CIITA: variants seen among roughly 807,000 people sequenced by gnomAD.
The protein encoded by CIITA is MHC class II transactivator.
Under a neutral mutation model 115.1 loss-of-function variants are expected in CIITA, and 72 were observed. That is an observed-to-expected ratio of 0.63 (90% CI 0.52 to 0.76). CIITA has a LOEUF of 0.76. Among genes scored for constraint, CIITA ranks in the 30% least tolerant of loss-of-function variants. CIITA has a pLI of 0.00. For synonymous variants in CIITA, 763 were observed against 635.6 expected (o/e 1.20, Z -3.02); for missense variants, 1,617 against 1,463.8 (o/e 1.10, Z -1.71).
intron 10 of CIITA, among the ~76,000 whole-genome samples, 180 bp downstream of exon 10, chr16:10,904,992 C>T (rs2039040831): frequency 6.6e-6 from 1 of 152,196 alleles, no homozygotes; most frequent in Non-Finnish European, 1.5e-5. Context: ...ACCATTCACT[C>T]CACCACTCCC....
chr16:10,874,559 C>A (rs1381119714), upstream of CIITA, among the ~76,000 whole-genome samples: 1 of 152,220 alleles, frequency 6.6e-6, no homozygotes, highest in East Asian at 1.9e-4. Context: ...AAAGTGCATC[C>A]TCTGCCATCA....
Position 10,895,281 on chromosome 16 carries a change from G to C in CIITA, c.53-1G>C, listed in dbSNP as rs1277673872. Reference sequence around the variant, plus strand: ...TGACTGAGCATTGTCTTCCCTCCCAGGCAGCTCACAGTGTGCCACCATGGA... The same window carrying C: ...TGACTGAGCATTGTCTTCCCTCCCACGCAGCTCACAGTGTGCCACCATGGA... On this transcript the variant is annotated splice_acceptor_variant, in intron 1 of 19. Coordinates refer to ENST00000324288, the MANE Select transcript of CIITA (RefSeq NM_000246.4). LOFTEE classifies it high-confidence loss of function. 6.2e-7 allele frequency: 1 copy of C among 1,613,838 alleles called. No individual in the cohort carries two copies. The highest frequency in any genetic ancestry group is 1.7e-5 in the Admixed American group (1 of 60,012).
intron 13 of CIITA, among the ~76,000 whole-genome samples, chr16:10,913,928 G>A (rs949991761): frequency 1.0e-5 from 1 of 98,550 alleles, no homozygotes; most frequent in South Asian, 3.0e-4. Flanking sequence ...ATGACAGAGT[G>A]AGACCCCATC....
Position 10,924,824 on chromosome 16 carries a change from G to C in CIITA, c.*969G>C, listed in dbSNP as rs1332855280. 6.6e-6 allele frequency: 1 copy of C among 152,268 alleles called. No individual in the cohort carries two copies. The highest frequency in any genetic ancestry group is 1.5e-5 in the Non-Finnish European group (1 of 68,054). 9.4% of individuals were successfully genotyped at this position (152,268 alleles called of 1,614,324 possible). On this transcript the variant is annotated 3_prime_UTR_variant, in exon 20 of 20. Transcript: ENST00000324288. ...CTGGAAGCACAGCTTCATTTCCTGT[G>C]TCTTTTTTCACTACATTATAAATGT...
upstream of CIITA, among the ~76,000 whole-genome samples, chr16:10,876,089 G>A (rs1014170038): frequency 2.6e-4 from 39 of 152,272 alleles, no homozygotes; most frequent in African/African-American, 6.0e-4. Flanking sequence ...CCCGGGAGGC[G>A]GAGGTTGCAG....
At position 10,901,927 on chromosome 16, in the gene CIITA, T is replaced by C; in HGVS notation, c.482-111T>C. 1 of 1,447,352 alleles carries C rather than the reference T, an allele frequency of 6.9e-7. No homozygotes were observed. 89.7% of individuals were successfully genotyped at this position (1,447,352 alleles called of 1,614,324 possible). A position where few individuals can be genotyped will look rare whatever the true frequency, so the allele number is the denominator to read the frequency against. ...ACAGCTGCAGCCAGGGCTGAGAAGA[T>C]GACAAGCATTTCCTCTGTCAGGAGA... On this transcript the variant is annotated intron_variant, in intron 6 of 19. Coordinates refer to ENST00000324288, the MANE Select transcript of CIITA (RefSeq NM_000246.4). The surrounding 1 kb of genome is among the most constrained non-coding windows in gnomAD (Gnocchi z 6.8).
chr16:10,872,137 G>A (rs148454593), intron 1 of CIITA, among the ~76,000 whole-genome samples: 2 of 151,346 alleles, frequency 1.3e-5, no homozygotes, highest in East Asian at 3.9e-4. Context: ...TTTTTTGGGT[G>A]GGGGGGACAC....
chr16:10,877,722 G>A (rs1437504464), intron 1 of CIITA, among the ~76,000 whole-genome samples: 1 of 152,302 alleles, frequency 6.6e-6, no homozygotes, highest in East Asian at 1.9e-4. Context: ...GGTAAATACT[G>A]AGGGGTGCCT....
intron 15 of CIITA, chr16:10,917,081 T>C (rs2039992098): frequency 9.1e-6 from 2 of 220,680 alleles, no homozygotes; most frequent in Non-Finnish European, 1.8e-5. Context: ...TTAGGATTTA[T>C]CAATAAAGCA....
chr16:10,902,517 C>A, intron 7 of CIITA, 141 bp from the exon 8 acceptor site: 2 of 1,044,016 alleles, frequency 1.9e-6, no homozygotes, highest in Non-Finnish European at 2.9e-6. Flanking sequence ...AGAATTCCAT[C>A]AGGGCAGGAC....
rs765558693 is a variant in CIITA at position 10,922,257 on chromosome 16, G to A, written c.3233+7G>A. ...TGTCCCTCCGGGTGATGGAGTGAGT[G>A]TGGGAGTCTGGGCGGTGGGTGGCTC... On this transcript the variant is annotated splice_region_variant and intron_variant, in intron 17 of 19. Coordinates refer to ENST00000324288, the MANE Select transcript of CIITA (RefSeq NM_000246.4). 3.1e-6 allele frequency: 5 copies of A among 1,613,984 alleles called. No homozygotes were observed. In the East Asian group the frequency reaches 8.9e-5, roughly 29 times the overall value.
intron 7 of CIITA, 46 bp downstream of exon 7, chr16:10,902,230 G>GTT: frequency 6.2e-7 from 1 of 1,611,814 alleles, no homozygotes; most frequent in East Asian, 2.2e-5. Flanking sequence ...CCTCTTGGGA[G>GTT]GTGGATAAGG....
chr16:10,901,980 C>T lies in CIITA; in HGVS notation c.482-58C>T. On this transcript the variant is annotated intron_variant, in intron 6 of 19. Transcript: ENST00000324288. This position sits in a 1 kb window ranked among gnomAD's most constrained non-coding sequence, Gnocchi z 6.8. ...CATCCATGCCACTCCAGGGCCCTCC[C>T]CATCCCAGGAAGGCCCCTCCAAGCA... is the stretch of plus-strand genomic sequence containing the variant. 6.2e-7 allele frequency: 1 copy of T among 1,606,692 alleles called. No individual in the cohort carries two copies.
chr16:10,902,201 G>A lies in CIITA; in HGVS notation c.628+17G>A, dbSNP rs769296155. 1 of 1,613,794 alleles carries A rather than the reference G, an allele frequency of 6.2e-7. No individual in the cohort carries two copies. The highest frequency in any genetic ancestry group is 8.5e-7 in the Non-Finnish European group (1 of 1,179,966). Reference sequence around the variant, plus strand: ...AGATTCCCAGTATGTTAGGGGGCTTGGAGAGAGTGGGCTTTCTCCCTCTTG... The same window carrying A: ...AGATTCCCAGTATGTTAGGGGGCTTAGAGAGAGTGGGCTTTCTCCCTCTTG... On this transcript the variant is annotated intron_variant, in intron 7 of 19. Transcript: ENST00000324288.
rs1296851177 is a variant in CIITA, at chr16:10,935,339, A to C, written c.*11484A>C. On this transcript the variant is annotated 3_prime_UTR_variant, in exon 20 of 20. Transcript: ENST00000324288. ...GGAGAAAGTTCAGTTTGGTGCTGGTATATCTTATGTTTATCACCCGACAGT... is the reference window on the plus strand; with the variant it reads ...GGAGAAAGTTCAGTTTGGTGCTGGTCTATCTTATGTTTATCACCCGACAGT... 1 of 152,228 alleles carries C rather than the reference A, an allele frequency of 6.6e-6. No homozygotes were observed. Among genetic ancestry groups the C allele is most frequent in the Non-Finnish European group, 1.5e-5 (1 of 68,046 alleles). 9.4% of individuals were successfully genotyped at this position (152,228 alleles called of 1,614,324 possible). A position where few individuals can be genotyped will look rare whatever the true frequency, so the allele number is the denominator to read the frequency against.
intron 2 of CIITA, 63 bp downstream of exon 2, chr16:10,895,491 GC>G (rs1393911050): frequency 6.2e-6 from 10 of 1,604,576 alleles, no homozygotes; most frequent in Non-Finnish European, 8.5e-6. Context: ...TGTAGAGACG[GC>G]AATCAGGGGA....
At position 10,895,381 on chromosome 16, in the gene CIITA, A is replaced by T; in HGVS notation, c.152A>T (p.Tyr51Phe). The stretch of plus-strand genomic sequence containing the variant: ...GACCCCCTGTGCCTCTACCACTTCT[A>T]TGACCAGATGGACCTGGCTGGAGAA... ...DADPLCLYHFYDQMDLAGEEE... is the reference protein window; with the variant it reads ...DADPLCLYHFFDQMDLAGEEE... The change falls in exon 2 of 20, where the codon TAT becomes TTT. Residue 51 changes from tyrosine (Y) to phenylalanine (F), a missense_variant. Tyr to Phe is a conservative substitution (Grantham distance 22). Transcript: ENST00000324288. 1 of 1,614,064 alleles carries T rather than the reference A, an allele frequency of 6.2e-7. No individual in the cohort carries two copies. The highest frequency in any genetic ancestry group is 8.5e-7 in the Non-Finnish European group (1 of 1,180,032).
chr16:10,919,712 T>G (rs2040170394), intron 16 of CIITA, among the ~76,000 whole-genome samples: 1 of 152,192 alleles, frequency 6.6e-6, no homozygotes, highest in Non-Finnish European at 1.5e-5. Flanking sequence ...ATTTTATTTA[T>G]GTAGGTGCTT....
intron 10 of CIITA, among the ~76,000 whole-genome samples, 196 bp from the exon 11 acceptor site, chr16:10,906,303 C>G (rs773283110): frequency 1.3e-5 from 2 of 152,084 alleles, no homozygotes; most frequent in African/African-American, 4.8e-5. Flanking sequence ...GAGGTTGCAG[C>G]GAGCTGTGAT....
Sources: gnomAD v4.1 joint callset for allele counts (sites outside exome capture counted in the v4.1 genomes callset) on GRCh38, gnomAD v4.1.1 for gene constraint, Gnocchi (gnomAD v3.1) non-coding constraint, MANE v1.5 for transcripts, NCBI Gene and HGNC (gene_info 2026-07-23, HGNC 2026-07-21) for gene names.